GMPR: variants seen among roughly 807,000 people sequenced by gnomAD.
GMPR encodes GMP reductase 1.
GMPR carries 31 observed loss-of-function variants against 38.4 expected under a neutral mutation model. The ratio of observed to expected loss-of-function variants is 0.81; its 90% confidence interval spans 0.61 to 1.09. The LOEUF is 1.09. Ranked by LOEUF, GMPR falls within the 50% of genes least tolerant of loss-of-function variation. GMPR has a pLI of 0.00. For synonymous variants in GMPR, 162 were observed against 173.3 expected (o/e 0.93, Z 0.51); for missense variants, 468 against 453.7 (o/e 1.03, Z -0.29).
At chr6:16,290,163 G>A (rs1048656523) in intron 7 of GMPR, 1 of 292,384 alleles carries the variant, frequency 3.4e-6, no homozygotes, top group East Asian at 6.4e-5. Context: ...AAGAGAGTTA[G>A]ATCTGAGGAA....
At chr6:16,269,715 T>A (rs1759344340) in intron 4 of GMPR, among the ~76,000 whole-genome samples, 1 of 152,224 alleles carries the variant, frequency 6.6e-6, no homozygotes, top group Non-Finnish European at 1.5e-5. Flanking sequence ...GAGGATCACC[T>A]GAGCCTGGGA....
chr6:16,266,807 A>C (rs887759296), intron 4 of GMPR, among the ~76,000 whole-genome samples: 35 of 149,380 alleles, frequency 2.3e-4, no homozygotes, highest in African/African-American at 7.0e-4. Context: ...AACAAACAAA[A>C]AAAGAGCTGT....
chr6:16,238,645 G>C lies in GMPR; in HGVS notation c.-49G>C. ...GCGCTCCCCGCGCCGCCCCGCGCAG[G>C]CGCCCCCGCCCCGCCGTCGCCGCCG... On this transcript the variant is annotated 5_prime_UTR_variant, in exon 1 of 9. Coordinates refer to ENST00000259727, the MANE Select transcript of GMPR (RefSeq NM_006877.4). 2.3e-6 allele frequency: 2 copies of C among 870,068 alleles called. No homozygotes were observed. The highest frequency in any genetic ancestry group is 2.9e-6 in the Non-Finnish European group (2 of 681,360). 53.9% of individuals were successfully genotyped at this position (870,068 alleles called of 1,614,324 possible).
chr6:16,249,996 G>T (rs1335603300), intron 2 of GMPR, among the ~76,000 whole-genome samples: 2 of 152,306 alleles, frequency 1.3e-5, no homozygotes, highest in Middle Eastern at 3.4e-3. Context: ...GGGTGGGCTG[G>T]GTAGGGCTCT....
rs756090309 is a variant in GMPR at position 16,285,776 on chromosome 6, C to A, written c.655-17C>A. On this transcript the variant is annotated splice_polypyrimidine_tract_variant and intron_variant, in intron 6 of 8. Transcript: ENST00000259727. Reference sequence around the variant, plus strand: ...TCCCGCTGATGATGTCCTGTCCTTGCTTTTTCCTCTGTGAAGGATGGAGGC... The same window carrying A: ...TCCCGCTGATGATGTCCTGTCCTTGATTTTTCCTCTGTGAAGGATGGAGGC... The A allele has an allele frequency of 4.3e-6, 7 of 1,611,722 alleles. No individual in the cohort carries two copies. Among genetic ancestry groups the A allele is most frequent in the Non-Finnish European group, 5.9e-6 (7 of 1,178,222 alleles).
chr6:16,261,006 A>C (rs537307511), intron 4 of GMPR, among the ~76,000 whole-genome samples: 23 of 152,034 alleles, frequency 1.5e-4, no homozygotes, highest in African/African-American at 5.1e-4. Context: ...GTTATGAGAA[A>C]TGTAGAGAGT....
intron 7 of GMPR, among the ~76,000 whole-genome samples, chr6:16,287,585 A>G (rs1252356608): frequency 6.6e-6 from 1 of 152,192 alleles, no homozygotes. Context: ...CCCTCAAAGC[A>G]TTCTTTAGTG....
chr6:16,268,917 A>G (rs1013229162), intron 4 of GMPR, among the ~76,000 whole-genome samples: 3 of 151,042 alleles, frequency 2.0e-5, no homozygotes, highest in Admixed American at 6.6e-5. Flanking sequence ...TAAATTAAAA[A>G]TTTTAAATAA....
Position 16,265,954 on chromosome 6 carries a change from G to A in GMPR, c.466-8461G>A, listed in dbSNP as rs548673243. Among the ~76,000 whole-genome samples, 14 of 152,238 alleles carry A rather than the reference G, an allele frequency of 9.2e-5. No individual in the cohort carries two copies. The South Asian group carries it at 1.2e-3, about 14-fold the overall frequency. On this transcript the variant is annotated intron_variant, in intron 4 of 8. Coordinates refer to ENST00000259727, the MANE Select transcript of GMPR (RefSeq NM_006877.4). The stretch of plus-strand genomic sequence containing the variant: ...CAGTGAGACCACGAAGCCACCCGCC[G>A]GGAGAAAGGAACAATTGTGGATGTG...
intron 7 of GMPR, chr6:16,289,848 ATTTTTTTTTTTTTTTTTTTTTTTTT>A (rs546450494): frequency 1.6e-5 from 1 of 63,150 alleles, no homozygotes; most frequent in Non-Finnish European, 2.8e-5. Flanking sequence ...ATACTGCCCA[ATTTTTTTTTTTTTTTTTTTTTTTTT>A]TTTTTTTTTT....
intron 8 of GMPR, among the ~76,000 whole-genome samples, chr6:16,294,391 CTGG>C (rs1243288219): frequency 6.6e-6 from 1 of 152,196 alleles, no homozygotes; most frequent in Non-Finnish European, 1.5e-5. Flanking sequence ...AATCACCTTG[CTGG>C]TGATTTCCAC....
At chr6:16,277,735 C>A (rs946334926) in intron 5 of GMPR, among the ~76,000 whole-genome samples, 14 of 152,144 alleles carry the variant, frequency 9.2e-5, no homozygotes, top group African/African-American at 2.4e-4. Context: ...CTGTGATGAA[C>A]AACTCCCCTG....
intron 3 of GMPR, among the ~76,000 whole-genome samples, chr6:16,253,622 G>C (rs1053893449): frequency 6.6e-6 from 1 of 152,160 alleles, no homozygotes; most frequent in Non-Finnish European, 1.5e-5. Context: ...CCACTGGGGG[G>C]GGGTCATATT....
intron 8 of GMPR, among the ~76,000 whole-genome samples, chr6:16,293,159 G>T (rs931005366): frequency 6.6e-6 from 1 of 152,096 alleles, no homozygotes; most frequent in Admixed American, 6.5e-5. Context: ...TCATTCTCAC[G>T]CTGTGCCCGG....
chr6:16,273,909 G>A (rs1270042490), intron 4 of GMPR, among the ~76,000 whole-genome samples: 5 of 147,834 alleles, frequency 3.4e-5, no homozygotes, highest in East Asian at 2.0e-4. Context: ...TCTGCCTCCC[G>A]GGTTCAAGTG....
intron 7 of GMPR, among the ~76,000 whole-genome samples, chr6:16,289,145 T>C (rs1759768655): frequency 6.6e-6 from 1 of 152,236 alleles, no homozygotes. Context: ...TTATGAGCTG[T>C]GCTATTTGCC....
intron 6 of GMPR, among the ~76,000 whole-genome samples, chr6:16,282,012 G>T (rs1759582698): frequency 1.3e-5 from 2 of 152,206 alleles, no homozygotes; most frequent in African/African-American, 4.8e-5. Flanking sequence ...GCACGTTTCT[G>T]TCACTTGCCA....
rs764531027 is a variant in GMPR at position 16,238,688 on chromosome 6, T to C, written c.-6T>C. 5.1e-6 allele frequency: 7 copies of C among 1,383,298 alleles called. No individual in the cohort carries two copies. The East Asian group carries it at 1.9e-4, about 37-fold the overall frequency. The allele number at this position is 1,383,298 out of a possible 1,614,324, so 85.7% of individuals were successfully genotyped here. On this transcript the variant is annotated 5_prime_UTR_variant, in exon 1 of 9. Coordinates refer to ENST00000259727, the MANE Select transcript of GMPR (RefSeq NM_006877.4). ...CGCCGCCGCCGCAGCCAGGAGCCGC[T>C]GCACCATGCCCCGCATAGATGCGGA...
chr6:16,240,188 A>T (rs1291601050), intron 1 of GMPR, among the ~76,000 whole-genome samples: 1 of 152,238 alleles, frequency 6.6e-6, no homozygotes, highest in East Asian at 1.9e-4. Context: ...CAAAACAAAG[A>T]TATACCTATT....
Sources: gnomAD v4.1 joint callset for allele counts (sites outside exome capture counted in the v4.1 genomes callset) on GRCh38, gnomAD v4.1.1 for gene constraint, MANE v1.5 for transcripts, NCBI Gene and HGNC (gene_info 2026-07-23, HGNC 2026-07-21) for gene names.